RASSF8: variants seen among roughly 807,000 people sequenced by gnomAD.
RASSF8 encodes the protein Ras association domain family member 8.
Under a neutral mutation model 48.5 loss-of-function variants are expected in RASSF8, and 22 were observed. That is an observed-to-expected ratio of 0.45 (90% confidence interval 0.32 to 0.65). The LOEUF (loss-of-function observed/expected upper bound fraction) is 0.65. RASSF8 is among the 30% of genes least tolerant of loss of function. RASSF8 has a pLI of 0.03. For synonymous variants in RASSF8, 127 were observed against 171.5 expected, an observed-to-expected ratio of 0.74 and a Z score of 2.03; for missense variants, 418 against 489.2, an observed-to-expected ratio of 0.85 and a Z score of 1.37.
chr12:26,063,922 T>C (rs1024970500), intron 3 of RASSF8, among the ~76,000 whole-genome samples: 4 of 152,136 alleles, frequency 2.6e-5, no homozygotes, highest in Non-Finnish European at 4.4e-5. Context: ...GGTGGAGCAC[T>C]CAGGTGGAGA....
rs141320222 is a variant in RASSF8 at position 26,012,549 on chromosome 12, C to T, written c.-109+17419C>T. On this transcript the variant is annotated intron_variant, in intron 2 of 5. Coordinates refer to ENST00000689635, the MANE Select transcript of RASSF8 (RefSeq NM_001394098.1). ...CAGTGTATCACTCATGACACCTAAA[C>T]ATAACTATATCCATATATTATTTAT... 5.0e-3 allele frequency among the ~76,000 whole-genome samples: 758 copies of T among 152,266 alleles called. 8 individuals carry two copies. The highest frequency in any genetic ancestry group is 0.018 in the African/African-American group (731 of 41,530).
chr12:26,062,958 A>T (rs1356674799), intron 3 of RASSF8, among the ~76,000 whole-genome samples: 1 of 152,180 alleles, frequency 6.6e-6, no homozygotes, highest in African/African-American at 2.4e-5. Flanking sequence ...CCCCAAATTC[A>T]GGTTTCCCTA....
At chr12:26,046,441 A>G (rs1943374117) in intron 2 of RASSF8, among the ~76,000 whole-genome samples, 1 of 152,208 alleles carries the variant, frequency 6.6e-6, no homozygotes, top group African/African-American at 2.4e-5. Context: ...CTTTTGTTTA[A>G]TAATTCATGT....
chr12:26,042,977 A>C (rs1306929805), intron 2 of RASSF8, among the ~76,000 whole-genome samples: 1 of 152,156 alleles, frequency 6.6e-6, no homozygotes, highest in South Asian at 2.1e-4. Flanking sequence ...TTTTCTCATT[A>C]GTATTGTGCC....
intron 1 of RASSF8, among the ~76,000 whole-genome samples, chr12:25,967,673 A>G (rs1941390138): frequency 6.6e-6 from 1 of 152,210 alleles, no homozygotes; most frequent in African/African-American, 2.4e-5. Flanking sequence ...ATGTTTATGT[A>G]TGTCCACATA....
In RASSF8 at chr12:25,959,015, CGCCGGGGAGTGCCGGGGAGT is replaced by C. The variant is rs911100087; in HGVS notation, c.-333_-314del. On this transcript the variant is annotated 5_prime_UTR_variant, in exon 1 of 6. Transcript: ENST00000689635. ...GGTGCGGGGCGCGCGGCGCGGGGAG[CGCCGGGGAGTGCCGGGGAGT>C]GCGGCGCGGGGACGGGCGCTGGGCG... is the stretch of plus-strand genomic sequence containing the variant. The C allele has an allele frequency of 1.4e-5, 2 of 143,950 alleles. No homozygotes were observed. The highest frequency in any genetic ancestry group is 6.8e-5 in the Admixed American group (1 of 14,720). 8.9% of individuals were successfully genotyped at this position (143,950 alleles called of 1,614,324 possible).
At chr12:26,056,504 T>A (rs1943605825) in intron 3 of RASSF8, among the ~76,000 whole-genome samples, 1 of 152,214 alleles carries the variant, frequency 6.6e-6, no homozygotes, top group East Asian at 1.9e-4. Flanking sequence ...AAAAGTTGAT[T>A]TTATGTCTCG....
chr12:26,009,649 G>T (rs965509122), intron 2 of RASSF8, among the ~76,000 whole-genome samples: 2 of 152,208 alleles, frequency 1.3e-5, no homozygotes, highest in Non-Finnish European at 2.9e-5. Flanking sequence ...GACTGAGAAG[G>T]AACCCCAGTA....
intron 3 of RASSF8, among the ~76,000 whole-genome samples, chr12:26,060,187 G>A (rs904893033): frequency 6.6e-6 from 1 of 152,132 alleles, no homozygotes; most frequent in African/African-American, 2.4e-5. Context: ...GTGAGCCACC[G>A]TGCCTGACCA....
At chr12:25,972,472 A>G (rs1941506212) in intron 1 of RASSF8, among the ~76,000 whole-genome samples, 1 of 152,216 alleles carries the variant, frequency 6.6e-6, no homozygotes. Flanking sequence ...AATAAACATT[A>G]GAAACATCTA....
chr12:25,994,901 G>C (rs1942097764), intron 1 of RASSF8, 136 bp from the exon 2 acceptor site: 1 of 152,196 alleles, frequency 6.6e-6, no homozygotes, highest in Non-Finnish European at 1.5e-5. Context: ...GACAGGGGAG[G>C]AAAATTCTTA....
intron 1 of RASSF8, among the ~76,000 whole-genome samples, chr12:25,991,137 C>T (rs1942004205): frequency 6.6e-6 from 1 of 151,868 alleles, no homozygotes; most frequent in Admixed American, 6.6e-5. Context: ...AACAATTAAT[C>T]AGCTGTCATT....
chr12:26,013,373 GAT>G, intron 2 of RASSF8, among the ~76,000 whole-genome samples: 1 of 152,300 alleles, frequency 6.6e-6, no homozygotes, highest in African/African-American at 2.4e-5. Flanking sequence ...AACCCATAGA[GAT>G]ATCCTTATAG....
intron 2 of RASSF8, among the ~76,000 whole-genome samples, chr12:26,011,524 T>C (rs569214306): frequency 4.6e-5 from 7 of 152,144 alleles, no homozygotes; most frequent in Non-Finnish European, 1.0e-4. Flanking sequence ...AATTGAGTGC[T>C]GTGGTTTGAA....
intron 2 of RASSF8, chr12:26,052,763 A>G (rs1943519323): frequency 6.6e-6 from 1 of 152,218 alleles, no homozygotes; most frequent in African/African-American, 2.4e-5. Flanking sequence ...AAGAAAGACA[A>G]CTTGACTTCC....
chr12:26,068,974 C>G lies in RASSF8; in HGVS notation c.*156C>G. ...ATACCACTTGGAGCCATACCCTGTGCACTGATGCTAAAGAACAAAGAAACT... is the reference window on the plus strand; with the variant it reads ...ATACCACTTGGAGCCATACCCTGTGGACTGATGCTAAAGAACAAAGAAACT... On this transcript the variant is annotated 3_prime_UTR_variant, in exon 6 of 6. Coordinates refer to ENST00000689635, the MANE Select transcript of RASSF8 (RefSeq NM_001394098.1). 7.3e-7 allele frequency: 1 copy of G among 1,377,240 alleles called. No individual in the cohort carries two copies. Among genetic ancestry groups the G allele is most frequent in the Non-Finnish European group, 9.4e-7 (1 of 1,065,734 alleles). 85.3% of individuals were successfully genotyped at this position (1,377,240 alleles called of 1,614,324 possible). A position where few individuals can be genotyped will look rare whatever the true frequency, so the allele number is the denominator to read the frequency against.
chr12:26,000,553 A>C (rs1459898596), intron 2 of RASSF8, among the ~76,000 whole-genome samples: 2 of 152,154 alleles, frequency 1.3e-5, no homozygotes, highest in African/African-American at 4.8e-5. Context: ...ACTTAACGGG[A>C]ATACACATTG....
chr12:26,018,788 CT>C (rs1368947794), intron 2 of RASSF8, among the ~76,000 whole-genome samples: 2 of 152,198 alleles, frequency 1.3e-5, no homozygotes, highest in African/African-American at 4.8e-5. Flanking sequence ...GACCCAGTGT[CT>C]GATGTTGGCC....
At chr12:25,983,092 A>G (rs1177965529) in intron 1 of RASSF8, among the ~76,000 whole-genome samples, 6 of 152,232 alleles carry the variant, frequency 3.9e-5, no homozygotes, top group Admixed American at 3.3e-4. Flanking sequence ...TAAACAAGGC[A>G]TCATCGATAG....
Sources: gnomAD v4.1 joint callset for allele counts (sites outside exome capture counted in the v4.1 genomes callset) on GRCh38, gnomAD v4.1.1 for gene constraint, MANE v1.5 for transcripts, NCBI Gene and HGNC (gene_info 2026-07-23, HGNC 2026-07-21) for gene names.